NRXN3: variants seen among roughly 807,000 people sequenced by gnomAD.
NRXN3 encodes neurexin III.
NRXN3 carries 32 observed loss-of-function variants against 137.6 expected under a neutral mutation model. That is an observed-to-expected ratio of 0.23 (90% confidence interval 0.18 to 0.31). NRXN3 has a LOEUF of 0.31. NRXN3 is among the 10% of genes least tolerant of loss of function. The probability of loss-of-function intolerance (pLI) is 1.00; values close to 1 mark genes in which losing one functional copy is unlikely to be tolerated. For synonymous variants in NRXN3, 798 were observed against 784.5 expected, an observed-to-expected ratio of 1.02 and a Z score of -0.29; for missense variants, 1,574 against 2,062.5, an observed-to-expected ratio of 0.76 and a Z score of 4.59.
chr14:78,568,115 T>C (rs916033430), intron 4 of NRXN3, among the ~76,000 whole-genome samples: 14 of 152,092 alleles, frequency 9.2e-5, no homozygotes, highest in Admixed American at 6.5e-4. Flanking sequence ...GGGAGCTCAG[T>C]TGGAAGTGGG....
chr14:78,782,610 A>G (rs1252250604), intron 8 of NRXN3, among the ~76,000 whole-genome samples: 1 of 152,234 alleles, frequency 6.6e-6, no homozygotes, highest in African/African-American at 2.4e-5. Context: ...AAGGACCTTC[A>G]TAAAGTCAGG....
chr14:78,493,945 G>T (rs1430333723), intron 4 of NRXN3, among the ~76,000 whole-genome samples: 1 of 152,164 alleles, frequency 6.6e-6, no homozygotes, highest in Non-Finnish European at 1.5e-5. Flanking sequence ...CTCAGCTTGG[G>T]AAACTGTCCT....
chr14:78,914,075 A>G (rs942801360), intron 10 of NRXN3, among the ~76,000 whole-genome samples: 3 of 152,114 alleles, frequency 2.0e-5, no homozygotes, highest in Admixed American at 1.3e-4. Context: ...GTGAAATCCA[A>G]ACTGGACCCT....
rs2099678847 is a variant in NRXN3, at chr14:79,064,833, T to C, written c.3262+76692T>C. On this transcript the variant is annotated intron_variant, in intron 15 of 20. Coordinates refer to ENST00000335750, the MANE Select transcript of NRXN3 (RefSeq NM_001330195.2). ...TGTGTGTGTGTGTGTGTATATATAA[T>C]TACCCAGAATTAAACACCTTTAGGT... Among the ~76,000 whole-genome samples the C allele has an allele frequency of 2.2e-5, 3 of 138,654 alleles. 1 individual carries two copies. Among genetic ancestry groups the C allele is most frequent in the South Asian group, 4.6e-4 (2 of 4,342 alleles). 91.0% of individuals were successfully genotyped at this position (138,654 alleles called of 152,430 possible).
intron 1 of NRXN3, chr14:78,231,252 C>A (rs2065352510): frequency 6.6e-6 from 1 of 152,222 alleles, no homozygotes; most frequent in African/African-American, 2.4e-5. Context: ...AATAGATTTT[C>A]TTTAGTCCTT....
intron 15 of NRXN3, among the ~76,000 whole-genome samples, chr14:79,174,350 G>A (rs951010527): frequency 6.6e-5 from 10 of 152,014 alleles, no homozygotes; most frequent in Admixed American, 2.6e-4. Context: ...TCAAATTTAA[G>A]TAACAATGAG....
At chr14:79,256,617 G>A (rs1483947489) in intron 15 of NRXN3, among the ~76,000 whole-genome samples, 1 of 152,164 alleles carries the variant, frequency 6.6e-6, no homozygotes, top group Non-Finnish European at 1.5e-5. Context: ...TAAGTGCCCA[G>A]CATTAATCTC....
At chr14:79,281,076 A>T (rs892348283) in intron 15 of NRXN3, among the ~76,000 whole-genome samples, 2 of 152,120 alleles carry the variant, frequency 1.3e-5, no homozygotes, top group Non-Finnish European at 2.9e-5. Flanking sequence ...CAGAAAATAT[A>T]ATTAACAACC....
At chr14:79,227,423 C>A (rs1215150887) in intron 15 of NRXN3, among the ~76,000 whole-genome samples, 1 of 152,044 alleles carries the variant, frequency 6.6e-6, no homozygotes, top group East Asian at 1.9e-4. Context: ...ACTTTTTTTA[C>A]CCTTTGCATT....
rs79584082 is a variant in NRXN3 at position 79,445,954 on chromosome 14, C to T, written c.3263-21267C>T. Reference sequence around the variant, plus strand: ...GATGACAGGTAATGTGATCTATGCTCCTATTTTTAGGGGCAGGCCTCCTTA... The same window carrying T: ...GATGACAGGTAATGTGATCTATGCTTCTATTTTTAGGGGCAGGCCTCCTTA... On this transcript the variant is annotated intron_variant, in intron 15 of 20. Coordinates refer to ENST00000335750, the MANE Select transcript of NRXN3 (RefSeq NM_001330195.2). 2.2e-4 allele frequency among the ~76,000 whole-genome samples: 34 copies of T among 152,120 alleles called. 2 individuals carry two copies. The East Asian group carries it at 6.0e-3, about 27-fold the overall frequency.
intron 8 of NRXN3, among the ~76,000 whole-genome samples, chr14:78,725,868 C>A (rs1212968902): frequency 1.3e-5 from 2 of 152,174 alleles, no homozygotes; most frequent in Non-Finnish European, 2.9e-5. Flanking sequence ...AAATGCTTAG[C>A]AGTGGTTAGC....
chr14:78,453,874 G>A (rs913311195), intron 4 of NRXN3, among the ~76,000 whole-genome samples: 1 of 152,268 alleles, frequency 6.6e-6, no homozygotes, highest in East Asian at 1.9e-4. Flanking sequence ...TAAAAAAGAG[G>A]CATGAAACAG....
At chr14:79,715,844 G>A (rs1425308754) in intron 19 of NRXN3, among the ~76,000 whole-genome samples, 1 of 152,232 alleles carries the variant, frequency 6.6e-6, no homozygotes, top group African/African-American at 2.4e-5. Flanking sequence ...ATATTAGATT[G>A]CAAAAGAGGA....
At chr14:79,617,173 T>G (rs2098166138) in intron 16 of NRXN3, among the ~76,000 whole-genome samples, 1 of 152,204 alleles carries the variant, frequency 6.6e-6, no homozygotes, top group African/African-American at 2.4e-5. Context: ...GGATTTTTTC[T>G]GTTTCAGGGA....
intron 4 of NRXN3, among the ~76,000 whole-genome samples, chr14:78,477,159 A>G (rs758105670): frequency 6.6e-6 from 1 of 152,070 alleles, no homozygotes; most frequent in African/African-American, 2.4e-5. Context: ...GGTCTTCACT[A>G]TTGTCTTTTT....
Position 79,864,903 on chromosome 14 carries a change from C to G in NRXN3, c.*2939C>G, listed in dbSNP as rs2099417456. ...AGTAGGTGGGACTACAGGTGCCCGC[C>G]ACCACGCCCGGCTAATTTTTTGTAT... On this transcript the variant is annotated 3_prime_UTR_variant, in exon 21 of 21. Transcript: ENST00000335750. 6.6e-6 allele frequency: 1 copy of G among 152,254 alleles called. No homozygotes were observed. The highest frequency in any genetic ancestry group is 1.5e-5 in the Non-Finnish European group (1 of 68,138). The allele number at this position is 152,254 out of a possible 1,614,324, so 9.4% of individuals were successfully genotyped here. A position where few individuals can be genotyped will look rare whatever the true frequency, so the allele number is the denominator to read the frequency against.
chr14:78,644,720 T>G (rs1237308674), intron 4 of NRXN3, among the ~76,000 whole-genome samples: 2 of 152,186 alleles, frequency 1.3e-5, no homozygotes, highest in African/African-American at 2.4e-5. Flanking sequence ...AGAGAGTCCT[T>G]TGTCAGAACA....
rs540474852 is a variant in NRXN3 at position 79,161,732 on chromosome 14, TGAAGCCTCTAGTTTGTA to T, written c.3262+173594_3262+173610del. On this transcript the variant is annotated intron_variant, in intron 15 of 20. Coordinates refer to ENST00000335750, the MANE Select transcript of NRXN3 (RefSeq NM_001330195.2). The stretch of plus-strand genomic sequence containing the variant: ...TCCACGTGTGACTAAAATGGCAAAG[TGAAGCCTCTAGTTTGTA>T]GATACTTGCTTTGGGAGACAGGGAG... 7.2e-4 allele frequency among the ~76,000 whole-genome samples: 110 copies of T among 152,098 alleles called. 1 individual carries two copies. Among genetic ancestry groups the T allele is most frequent in the Middle Eastern group, 3.4e-3 (1 of 294 alleles).
Position 79,672,666 on chromosome 14 carries a change from A to T in NRXN3, c.3616+8717A>T, listed in dbSNP as rs192182769. Among the ~76,000 whole-genome samples, 460 of 152,188 alleles carry T rather than the reference A, an allele frequency of 3.0e-3. 2 individuals are homozygous for T. Among genetic ancestry groups the T allele is most frequent in the African/African-American group, 0.011 (451 of 41,548 alleles). ...ATGGAAGCTCTAGTTTAAGTAGTTA[A>T]TACAAATTCTGGCCTGCAGAAGTTG... On this transcript the variant is annotated intron_variant, in intron 17 of 20. Transcript: ENST00000335750.
Sources: gnomAD v4.1 joint callset for allele counts (sites outside exome capture counted in the v4.1 genomes callset) on GRCh38, gnomAD v4.1.1 for gene constraint, MANE v1.5 for transcripts, NCBI Gene and HGNC (gene_info 2026-07-23, HGNC 2026-07-21) for gene names.